The following PLEKHM3 variants were observed in gnomAD, a reference collection of about 807,000 sequenced individuals.
PLEKHM3 encodes the protein pleckstrin homology domain-containing family M member 3.
A neutral mutation model predicts 81.8 loss-of-function variants in PLEKHM3; 45 were observed. The ratio of observed to expected loss-of-function variants is 0.55; its 90% CI spans 0.43 to 0.71. PLEKHM3 has a LOEUF of 0.71. Ranked by LOEUF, PLEKHM3 falls within the 30% of genes least tolerant of loss-of-function variation. PLEKHM3 has a pLI of 0.00. For synonymous variants in PLEKHM3, 352 were observed against 356.4 expected (o/e 0.99, Z 0.14); for missense variants, 788 against 924.3 (o/e 0.85, Z 1.91).
intron 7 of PLEKHM3, among the ~76,000 whole-genome samples, chr2:207,839,419 T>C (rs1390756775): frequency 6.6e-6 from 1 of 152,212 alleles, no homozygotes; most frequent in African/African-American, 2.4e-5. Context: ...TTACTGGTTA[T>C]TGATGTAAAT....
intron 2 of PLEKHM3, among the ~76,000 whole-genome samples, chr2:207,982,253 C>G (rs542111352): frequency 7.4e-6 from 1 of 135,288 alleles, no homozygotes; most frequent in Admixed American, 7.4e-5. Flanking sequence ...CGCTCCCCCC[C>G]TCCCTCGCTC....
At chr2:207,942,882 G>A (rs1171329444) in intron 4 of PLEKHM3, among the ~76,000 whole-genome samples, 1 of 152,120 alleles carries the variant, frequency 6.6e-6, no homozygotes, top group Non-Finnish European at 1.5e-5. Flanking sequence ...CCTGGCAACA[G>A]AGCAAGACTC....
In PLEKHM3 at chr2:208,001,719, T is replaced by C. The variant is rs906166194; in HGVS notation, c.-80A>G. 7.2e-6 allele frequency: 11 copies of C among 1,527,970 alleles called. No individual in the cohort carries two copies. Among genetic ancestry groups the C allele is most frequent in the African/African-American group, 1.4e-5 (1 of 71,970 alleles). 94.7% of individuals were successfully genotyped at this position (1,527,970 alleles called of 1,614,324 possible). The stretch of plus-strand genomic sequence containing the variant: ...TGAACATTCACCCAACCAAGAGGGG[T>C]GCTTCAGCAATAGAGCTATGGAAAC... On this transcript the variant is annotated 5_prime_UTR_variant, in exon 2 of 8. Transcript: ENST00000427836.
chr2:207,842,045 T>C (rs1226093868), intron 7 of PLEKHM3, among the ~76,000 whole-genome samples: 9 of 152,132 alleles, frequency 5.9e-5, no homozygotes, highest in East Asian at 1.9e-4. Flanking sequence ...TCAGGCCATT[T>C]TCCTGCCTCA....
chr2:208,011,064 C>CA (rs10587149), intron 1 of PLEKHM3, among the ~76,000 whole-genome samples: 1,624 of 64,882 alleles, frequency 0.025, 32 homozygotes, highest in East Asian at 0.11. Flanking sequence ...TGGCCATAAT[C>CA]AAAAAAAAAA....
At chr2:207,858,529 G>A (rs901322312) in intron 7 of PLEKHM3, among the ~76,000 whole-genome samples, 1 of 150,944 alleles carries the variant, frequency 6.6e-6, no homozygotes, top group African/African-American at 2.4e-5. Flanking sequence ...CCAGCCTGGA[G>A]TGCAGTGAGT....
intron 6 of PLEKHM3, among the ~76,000 whole-genome samples, chr2:207,887,435 TGTAA>T (rs1462461021): frequency 6.6e-6 from 1 of 152,220 alleles, no homozygotes; most frequent in Non-Finnish European, 1.5e-5. Flanking sequence ...GGATCTTAAC[TGTAA>T]GTCACTATTT....
chr2:208,001,757 C>A lies in PLEKHM3; in HGVS notation c.-118G>T, dbSNP rs1373816673. On this transcript the variant is annotated 5_prime_UTR_variant, in exon 2 of 8. Coordinates refer to ENST00000427836, the MANE Select transcript of PLEKHM3 (RefSeq NM_001080475.3). ...GAGCTATGGAAACAACTGGAAGAAA[C>A]CTTCATTGGGCTCCCTGGAGCAGGC... 3.4e-6 allele frequency: 5 copies of A among 1,482,214 alleles called. No individual in the cohort carries two copies. The highest frequency in any genetic ancestry group is 2.3e-5 in the East Asian group (1 of 43,974). 91.8% of individuals were successfully genotyped at this position (1,482,214 alleles called of 1,614,324 possible).
chr2:207,848,214 C>T (rs894522259), intron 7 of PLEKHM3, among the ~76,000 whole-genome samples: 1 of 152,182 alleles, frequency 6.6e-6, no homozygotes, highest in Non-Finnish European at 1.5e-5. Flanking sequence ...AGTTTTGTTC[C>T]ACCTGCCTCC....
In PLEKHM3 at chr2:207,889,960, C is replaced by T. The variant is rs139943868; in HGVS notation, c.1950+18554G>A. Among the ~76,000 whole-genome samples the T allele has an allele frequency of 4.5e-3, 678 of 152,196 alleles. 6 individuals carry two copies. Among genetic ancestry groups the T allele is most frequent in the African/African-American group, 0.016 (644 of 41,524 alleles). ...CTGGGACTACAGTGGCCTACCACCA[C>T]ACCTGGCTAATTTTTTGTATTTTTA... On this transcript the variant is annotated intron_variant, in intron 6 of 7. Coordinates refer to ENST00000427836, the MANE Select transcript of PLEKHM3 (RefSeq NM_001080475.3).
intron 1 of PLEKHM3, among the ~76,000 whole-genome samples, chr2:208,016,028 T>C (rs1402820167): frequency 6.6e-6 from 1 of 152,036 alleles, no homozygotes; most frequent in African/African-American, 2.4e-5. Flanking sequence ...ACCCTGTCTC[T>C]ATTAAAAATA....
chr2:207,860,875 A>C (rs1466655818), intron 7 of PLEKHM3, among the ~76,000 whole-genome samples: 1 of 152,194 alleles, frequency 6.6e-6, no homozygotes, highest in Non-Finnish European at 1.5e-5. Flanking sequence ...AGAGTTAGGC[A>C]ATGTTTCTTT....
chr2:207,902,295 T>C (rs948783051), intron 6 of PLEKHM3, among the ~76,000 whole-genome samples: 5 of 152,250 alleles, frequency 3.3e-5, no homozygotes, highest in Non-Finnish European at 7.3e-5. Context: ...CGTTCTCTGA[T>C]AATGGGTTTG....
In PLEKHM3 at chr2:208,001,433, C is replaced by A. The variant is rs1692299945; in HGVS notation, c.207G>T (p.Gly69=). ...AMRNVTSLGK[G]GMIWDHCKSR... Reference sequence around the variant, plus strand: ...TCTTACAGTGGTCCCAAATCATGCCCCCCTTGCCCAGGGAGGTGACATTTC... The same window carrying A: ...TCTTACAGTGGTCCCAAATCATGCCACCCTTGCCCAGGGAGGTGACATTTC... The change falls in exon 2 of 8, where the codon GGG becomes GGT. Residue 69 remains glycine (G), a synonymous_variant. Transcript: ENST00000427836. 3.7e-6 allele frequency: 6 copies of A among 1,614,164 alleles called. No individual in the cohort carries two copies. Among genetic ancestry groups the A allele is most frequent in the Non-Finnish European group, 5.1e-6 (6 of 1,180,026 alleles).
intron 2 of PLEKHM3, among the ~76,000 whole-genome samples, chr2:207,989,322 AAG>A (rs1017117573): frequency 1.2e-4 from 18 of 152,242 alleles, no homozygotes; most frequent in African/African-American, 4.1e-4. Context: ...CAAGAGAAGA[AAG>A]AGAGGGCTTT....
At chr2:207,924,813 A>C (rs527751876) in intron 5 of PLEKHM3, among the ~76,000 whole-genome samples, 1 of 152,330 alleles carries the variant, frequency 6.6e-6, no homozygotes, top group Admixed American at 6.5e-5. Context: ...AGGATTATGC[A>C]GAAGGGCAGC....
intron 3 of PLEKHM3, among the ~76,000 whole-genome samples, chr2:207,969,047 G>C (rs1002044179): frequency 2.0e-5 from 3 of 152,094 alleles, no homozygotes; most frequent in Non-Finnish European, 4.4e-5. Context: ...ATGATAATTG[G>C]AGATATCAAG....
chr2:207,982,645 C>T (rs1691574655), intron 2 of PLEKHM3, among the ~76,000 whole-genome samples: 1 of 148,272 alleles, frequency 6.7e-6, no homozygotes, highest in Non-Finnish European at 1.5e-5. Flanking sequence ...ATGGCACGAT[C>T]TTGGCTCACT....
chr2:207,924,639 C>G (rs990335561), intron 5 of PLEKHM3, among the ~76,000 whole-genome samples: 1 of 151,982 alleles, frequency 6.6e-6, no homozygotes, highest in Admixed American at 6.6e-5. Flanking sequence ...GAGCTGAGAT[C>G]GCGCCACTGC....
Sources: gnomAD v4.1 joint callset for allele counts (sites outside exome capture counted in the v4.1 genomes callset) on GRCh38, gnomAD v4.1.1 for gene constraint, MANE v1.5 for transcripts, NCBI Gene and HGNC (gene_info 2026-07-23, HGNC 2026-07-21) for gene names.